Variants in LUC7L2 observed in about 807,000 individuals in gnomAD.
LUC7L2 encodes putative RNA-binding protein Luc7-like 2.
LUC7L2 carries 25 observed loss-of-function variants against 52.8 expected under a neutral mutation model. The observed-to-expected ratio is 0.47, with a 90% CI of 0.34 to 0.66. LUC7L2 has a LOEUF of 0.66. LUC7L2 is among the 30% of genes least tolerant of loss of function. The pLI, the probability that LUC7L2 is intolerant of heterozygous loss-of-function variation, is 0.01. For synonymous variants in LUC7L2, 144 were observed against 160.9 expected (o/e 0.89, Z 0.80); for missense variants, 328 against 497.8 (o/e 0.66, Z 3.25).
At chr7:139,344,349 G>C (rs1289264307) in intron 1 of LUC7L2, among the ~76,000 whole-genome samples, 3 of 152,060 alleles carry the variant, frequency 2.0e-5, no homozygotes, top group Admixed American at 2.0e-4. Context: ...ATAAAATGCT[G>C]TAGTATTTGC....
At chr7:139,389,777 A>G (rs1794350972) in intron 2 of LUC7L2, among the ~76,000 whole-genome samples, 1 of 152,196 alleles carries the variant, frequency 6.6e-6, no homozygotes, top group African/African-American at 2.4e-5. Context: ...ACAATGATCA[A>G]GAAAGACTAT....
At chr7:139,356,746 G>A (rs534365064), upstream of LUC7L2, among the ~76,000 whole-genome samples, 266 of 152,224 alleles carry the variant, frequency 1.7e-3, 2 homozygotes, top group African/African-American at 5.9e-3. Context: ...AACGAGCCTG[G>A]CAGTATTCGA....
intron 1 of LUC7L2, among the ~76,000 whole-genome samples, chr7:139,365,454 A>G (rs138411047): frequency 1.4e-4 from 22 of 152,294 alleles, no homozygotes; most frequent in East Asian, 5.8e-4. Flanking sequence ...GTAGTGTTCA[A>G]CGTGTTCAAG....
chr7:139,358,376 C>T (rs1002590012), upstream of LUC7L2, among the ~76,000 whole-genome samples: 3 of 152,228 alleles, frequency 2.0e-5, no homozygotes, highest in African/African-American at 7.2e-5. Context: ...CTGCTAATAA[C>T]AGTTCCAAGG....
chr7:139,389,958 A>G (rs1039657433), intron 2 of LUC7L2, among the ~76,000 whole-genome samples: 1 of 152,204 alleles, frequency 6.6e-6, no homozygotes, highest in African/African-American at 2.4e-5. Context: ...ACTTGAGGCC[A>G]GGAGTTACCA....
At chr7:139,341,197 G>T (rs1308525758) in intron 1 of LUC7L2, 16 of 1,057,972 alleles carry the variant, frequency 1.5e-5, no homozygotes, top group Middle Eastern at 3.3e-4. Context: ...GTTTGATTTT[G>T]TTACGGCGCC....
At chr7:139,367,222 T>G (rs980029872) in intron 1 of LUC7L2, among the ~76,000 whole-genome samples, 11 of 152,200 alleles carry the variant, frequency 7.2e-5, no homozygotes, top group Non-Finnish European at 1.0e-4. Flanking sequence ...TCTACCTGCC[T>G]TGGCCTCCCA....
chr7:139,368,367 T>A (rs535321756), intron 1 of LUC7L2, among the ~76,000 whole-genome samples: 1 of 152,354 alleles, frequency 6.6e-6, no homozygotes, highest in East Asian at 1.9e-4. Flanking sequence ...AAAAAATGTT[T>A]TAAAAAGTAC....
chr7:139,395,983 A>T (rs905397694), intron 2 of LUC7L2, among the ~76,000 whole-genome samples: 3 of 152,160 alleles, frequency 2.0e-5, no homozygotes. Context: ...AATAGTCACA[A>T]CATCTAAGAG....
intron 3 of LUC7L2, among the ~76,000 whole-genome samples, chr7:139,399,280 G>A (rs1794791824): frequency 6.6e-6 from 1 of 151,740 alleles, no homozygotes; most frequent in Non-Finnish European, 1.5e-5. Context: ...GGTATTATAA[G>A]TAATCTGGAG....
intron 1 of LUC7L2, among the ~76,000 whole-genome samples, chr7:139,366,262 T>C (rs1221767581): frequency 6.6e-6 from 1 of 152,234 alleles, no homozygotes; most frequent in Non-Finnish European, 1.5e-5. Flanking sequence ...TGACTCAACA[T>C]GAAAGGAATT....
At chr7:139,355,638 G>C (rs1486397761), upstream of LUC7L2, among the ~76,000 whole-genome samples, 1 of 152,148 alleles carries the variant, frequency 6.6e-6, no homozygotes, top group African/African-American at 2.4e-5. Context: ...CAACAAATTA[G>C]ATACAGCTCC....
intron 2 of LUC7L2, among the ~76,000 whole-genome samples, chr7:139,391,108 A>T (rs906149530): frequency 5.9e-5 from 9 of 152,170 alleles, no homozygotes; most frequent in African/African-American, 2.2e-4. Flanking sequence ...CCTGAATAAT[A>T]TTGTGTAGTG....
intron 7 of LUC7L2, among the ~76,000 whole-genome samples, chr7:139,410,138 G>A (rs1048631733): frequency 1.3e-5 from 2 of 151,848 alleles, no homozygotes; most frequent in Admixed American, 6.6e-5. Context: ...ACCTGGGGGG[G>A]CAGAGCCTGC....
At chr7:139,418,922 A>G (rs899534903) in intron 9 of LUC7L2, among the ~76,000 whole-genome samples, 2 of 152,230 alleles carry the variant, frequency 1.3e-5, no homozygotes, top group South Asian at 4.2e-4. Flanking sequence ...GTTCAAGACC[A>G]GCCTGGCCAA....
At chr7:139,344,715 T>TTTG (rs1225139054) in intron 1 of LUC7L2, among the ~76,000 whole-genome samples, 1 of 126,412 alleles carries the variant, frequency 7.9e-6, no homozygotes, top group African/African-American at 2.9e-5. Flanking sequence ...TTTTTTTTTT[T>TTTG]TTGTTGAGAT....
At chr7:139,356,441 C>T (rs1168823534), upstream of LUC7L2, among the ~76,000 whole-genome samples, 1 of 151,528 alleles carries the variant, frequency 6.6e-6, no homozygotes, top group Non-Finnish European at 1.5e-5. Flanking sequence ...AGCGTTCCCC[C>T]AACTAGCCGA....
chr7:139,368,732 C>T (rs559646979), intron 1 of LUC7L2, among the ~76,000 whole-genome samples: 11 of 102,016 alleles, frequency 1.1e-4, no homozygotes, highest in South Asian at 2.6e-4. Context: ...AGTGAGACAC[C>T]GTCTCAAAAA....
At chr7:139,413,507 G>GC (rs1795458660) in intron 8 of LUC7L2, among the ~76,000 whole-genome samples, 1 of 152,216 alleles carries the variant, frequency 6.6e-6, no homozygotes, top group Non-Finnish European at 1.5e-5. Flanking sequence ...TGAGCGCAGT[G>GC]CCTCACGCTT....
Sources: allele counts gnomAD v4.1 joint callset (sites outside exome capture counted in the v4.1 genomes callset), GRCh38; gene constraint gnomAD v4.1.1; transcripts MANE v1.5; gene names NCBI Gene and HGNC (gene_info 2026-07-23, HGNC 2026-07-21).